PARP8: variants seen among roughly 807,000 people sequenced by gnomAD.
PARP8 encodes the protein protein mono-ADP-ribosyltransferase PARP8.
Under a neutral mutation model 124.1 loss-of-function variants are expected in PARP8, and 51 were observed. The ratio of observed to expected loss-of-function variants is 0.41; its 90% CI spans 0.33 to 0.52. The LOEUF is 0.52. PARP8 is among the 20% of genes least tolerant of loss of function. The pLI is 0.21. For synonymous variants in PARP8, 391 were observed against 361.5 expected, an observed-to-expected ratio of 1.08 and a Z score of -0.93; for missense variants, 860 against 1,018.9, an observed-to-expected ratio of 0.84 and a Z score of 2.12.
At chr5:50,749,402 T>A (rs1194036216) in intron 2 of PARP8, among the ~76,000 whole-genome samples, 1 of 152,054 alleles carries the variant, frequency 6.6e-6, no homozygotes, top group Non-Finnish European at 1.5e-5. Context: ...CAAATATAAA[T>A]AGACGTAGAT....
intron 2 of PARP8, among the ~76,000 whole-genome samples, chr5:50,708,948 A>AT (rs1257039856): frequency 7.3e-6 from 1 of 136,670 alleles, no homozygotes; most frequent in Non-Finnish European, 1.6e-5. Flanking sequence ...TGCCTGGCTG[A>AT]TTTTTTATTT....
intron 9 of PARP8, among the ~76,000 whole-genome samples, chr5:50,788,123 C>T (rs1741481769): frequency 6.8e-6 from 1 of 146,942 alleles, no homozygotes; most frequent in African/African-American, 2.5e-5. Flanking sequence ...GTGGCCAGTT[C>T]AGCTGTTGCT....
chr5:50,747,006 C>A (rs1271018718), intron 2 of PARP8, among the ~76,000 whole-genome samples: 1 of 151,998 alleles, frequency 6.6e-6, no homozygotes, highest in Non-Finnish European at 1.5e-5. Context: ...CCAGCCTGGG[C>A]AACAGAGCAA....
chr5:50,802,678 C>T lies in PARP8; in HGVS notation c.1575+5445C>T, dbSNP rs1003409502. Among the ~76,000 whole-genome samples the T allele has an allele frequency of 1.9e-4, 29 of 152,076 alleles. 1 individual carries two copies. Among genetic ancestry groups the T allele is most frequent in the African/African-American group, 5.3e-4 (22 of 41,480 alleles). ...CAACTCCACTCCCAGAGTGGAAGTA[C>T]GTGTAATTGCTGTTATATATAAATA... On this transcript the variant is annotated intron_variant, in intron 14 of 25. Transcript: ENST00000281631.
chr5:50,677,369 T>C (rs1461271358), intron 2 of PARP8, among the ~76,000 whole-genome samples: 1 of 152,104 alleles, frequency 6.6e-6, no homozygotes, highest in Admixed American at 6.5e-5. Flanking sequence ...CATTACTTTA[T>C]TATCACCACA....
intron 1 of PARP8, 73 bp downstream of exon 1, chr5:50,667,259 T>TG (rs1330222971): frequency 8.0e-5 from 110 of 1,379,874 alleles, no homozygotes; most frequent in Middle Eastern, 2.5e-4. Context: ...CGTCTGTGGC[T>TG]GGGGGTGGGG....
rs755104743 is a variant in PARP8, at chr5:50,782,395, G to A, written c.670+3745G>A. Among the ~76,000 whole-genome samples the A allele has an allele frequency of 3.6e-4, 55 of 152,116 alleles. 1 individual carries two copies. The highest frequency in any genetic ancestry group is 1.3e-4 in the Admixed American group (2 of 15,270). ...CATCTTACTAGTAAACTCCCCAAGAGATTTTTTTTCTTATTGAAAATTTGA... is the reference window on the plus strand; with the variant it reads ...CATCTTACTAGTAAACTCCCCAAGAAATTTTTTTTCTTATTGAAAATTTGA... On this transcript the variant is annotated intron_variant, in intron 9 of 25. Coordinates refer to ENST00000281631, the MANE Select transcript of PARP8 (RefSeq NM_024615.4).
intron 25 of PARP8, among the ~76,000 whole-genome samples, chr5:50,835,863 A>G (rs1747523757): frequency 6.6e-6 from 1 of 152,150 alleles, no homozygotes; most frequent in Non-Finnish European, 1.5e-5. Flanking sequence ...GACCAGTCTA[A>G]TTTTCACTCT....
At chr5:50,747,602 C>T (rs551218503) in intron 2 of PARP8, among the ~76,000 whole-genome samples, 5 of 151,804 alleles carry the variant, frequency 3.3e-5, no homozygotes, top group East Asian at 3.9e-4. Flanking sequence ...TTCTTCCTGA[C>T]GAACTGACAC....
At chr5:50,776,351 TTTG>T (rs939928163) in intron 7 of PARP8, among the ~76,000 whole-genome samples, 16 of 152,168 alleles carry the variant, frequency 1.1e-4, no homozygotes, top group African/African-American at 3.6e-4. Context: ...TAGTTTTCTT[TTTG>T]TTGTTGTTTC....
At chr5:50,711,516 G>A (rs998266041) in intron 2 of PARP8, among the ~76,000 whole-genome samples, 2 of 151,986 alleles carry the variant, frequency 1.3e-5, no homozygotes, top group African/African-American at 4.8e-5. Flanking sequence ...TGTGATATTG[G>A]GACTGCAGCA....
At chr5:50,820,554 A>G (rs992532044) in intron 15 of PARP8, among the ~76,000 whole-genome samples, 1 of 152,236 alleles carries the variant, frequency 6.6e-6, no homozygotes, top group African/African-American at 2.4e-5. Flanking sequence ...TCTTTAGCCA[A>G]TCAAAGGTCA....
chr5:50,739,199 G>C, intron 2 of PARP8: 1 of 632,990 alleles, frequency 1.6e-6, no homozygotes, highest in Non-Finnish European at 2.9e-6. Context: ...CATTGCAGGG[G>C]GATCTGTTAT....
intron 2 of PARP8, among the ~76,000 whole-genome samples, chr5:50,678,358 C>G (rs1750875325): frequency 6.6e-6 from 1 of 152,100 alleles, no homozygotes; most frequent in Non-Finnish European, 1.5e-5. Context: ...GTCTGTCACA[C>G]ACACATAACA....
intron 17 of PARP8, among the ~76,000 whole-genome samples, chr5:50,824,528 C>A (rs1746124783): frequency 6.6e-6 from 1 of 152,034 alleles, no homozygotes. Context: ...GGAGAATTAC[C>A]AAAAATGGTT....
chr5:50,781,974 T>C (rs1460465832), intron 9 of PARP8, among the ~76,000 whole-genome samples: 4 of 152,150 alleles, frequency 2.6e-5, no homozygotes, highest in African/African-American at 9.7e-5. Flanking sequence ...TTGCCCCTTG[T>C]CTGCACTCAG....
intron 7 of PARP8, among the ~76,000 whole-genome samples, chr5:50,769,160 A>T (rs1321788095): frequency 6.6e-6 from 1 of 152,162 alleles, no homozygotes; most frequent in Non-Finnish European, 1.5e-5. Context: ...AGAAATTCAC[A>T]TGTAAGAGGT....
intron 2 of PARP8, among the ~76,000 whole-genome samples, chr5:50,733,625 A>G (rs1320648316): frequency 1.3e-5 from 2 of 152,174 alleles, no homozygotes; most frequent in African/African-American, 2.4e-5. Flanking sequence ...GTGGTTGAAT[A>G]ATTTAGAAAA....
chr5:50,685,159 A>G (rs186861160), intron 2 of PARP8, among the ~76,000 whole-genome samples: 3 of 152,342 alleles, frequency 2.0e-5, no homozygotes, highest in African/African-American at 7.2e-5. Flanking sequence ...CCATGCATGG[A>G]AAACTGCACA....
Sources: gnomAD v4.1 joint callset for allele counts (sites outside exome capture counted in the v4.1 genomes callset) on GRCh38, gnomAD v4.1.1 for gene constraint, MANE v1.5 for transcripts, NCBI Gene and HGNC (gene_info 2026-07-23, HGNC 2026-07-21) for gene names.